Variants in HPSE2 observed in about 807,000 individuals in gnomAD.
The protein encoded by HPSE2 is inactive heparanase-2.
Under a neutral mutation model 60.5 loss-of-function variants are expected in HPSE2, and 38 were observed. The observed-to-expected ratio is 0.63, with a 90% CI of 0.48 to 0.82. HPSE2 has a LOEUF of 0.82. HPSE2 is among the 40% of genes least tolerant of loss of function. HPSE2 has a pLI of 0.00. For missense variants in HPSE2, 713 were observed against 740.4 expected (o/e 0.96, Z 0.43); for synonymous variants, 295 against 293.2 (o/e 1.01, Z -0.06).
At chr10:98,915,831 A>G (rs1954106036) in intron 3 of HPSE2, among the ~76,000 whole-genome samples, 1 of 152,224 alleles carries the variant, frequency 6.6e-6, no homozygotes, top group African/African-American at 2.4e-5. Context: ...AATGCATATA[A>G]AACTCCAAAT....
intron 3 of HPSE2, among the ~76,000 whole-genome samples, chr10:98,914,371 G>C (rs562320909): frequency 4.6e-5 from 7 of 151,928 alleles, no homozygotes; most frequent in Non-Finnish European, 1.0e-4. Flanking sequence ...AGTCAGCCTC[G>C]GGTATGTCTT....
chr10:98,638,014 C>T (rs186429143), intron 7 of HPSE2, among the ~76,000 whole-genome samples: 127 of 151,868 alleles, frequency 8.4e-4, no homozygotes, highest in Admixed American at 7.7e-3. Flanking sequence ...GTGGCATGAG[C>T]CTGTAGTCCC....
At chr10:98,648,174 G>A (rs1045576412) in intron 6 of HPSE2, among the ~76,000 whole-genome samples, 12 of 152,096 alleles carry the variant, frequency 7.9e-5, no homozygotes, top group African/African-American at 2.9e-4. Context: ...TGGGTCCTGC[G>A]CCTCAAGCCC....
chr10:99,103,219 T>G (rs1844087750), intron 3 of HPSE2, among the ~76,000 whole-genome samples: 1 of 152,202 alleles, frequency 6.6e-6, no homozygotes, highest in Non-Finnish European at 1.5e-5. Flanking sequence ...GACATGATTG[T>G]ATATCTAGAA....
At chr10:99,216,188 CT>C (rs550046406) in intron 2 of HPSE2, among the ~76,000 whole-genome samples, 43 of 97,652 alleles carry the variant, frequency 4.4e-4, no homozygotes, top group Non-Finnish European at 4.8e-4. Flanking sequence ...ATAACCTAAA[CT>C]TTTTTTTTTT....
chr10:98,757,002 T>A (rs1949893438), intron 3 of HPSE2, among the ~76,000 whole-genome samples: 1 of 152,124 alleles, frequency 6.6e-6, no homozygotes, highest in Non-Finnish European at 1.5e-5. Context: ...TAGGCTTTAT[T>A]CCTGGGATGC....
At chr10:98,989,729 A>G (rs1374891126) in intron 3 of HPSE2, among the ~76,000 whole-genome samples, 1 of 152,190 alleles carries the variant, frequency 6.6e-6, no homozygotes, top group East Asian at 1.9e-4. Flanking sequence ...GCAGTTTTGA[A>G]TATTTCATGG....
At chr10:99,164,565 G>C (rs1323524522) in intron 2 of HPSE2, among the ~76,000 whole-genome samples, 3 of 151,920 alleles carry the variant, frequency 2.0e-5, no homozygotes, top group Admixed American at 6.6e-5. Context: ...CACCACATGT[G>C]TTCATTGCTA....
chr10:98,735,790 G>A (rs1281407810), intron 4 of HPSE2, among the ~76,000 whole-genome samples: 1 of 152,168 alleles, frequency 6.6e-6, no homozygotes, highest in African/African-American at 2.4e-5. Flanking sequence ...ATTTGGAACA[G>A]CTGTATTTAT....
intron 3 of HPSE2, among the ~76,000 whole-genome samples, chr10:98,972,603 T>TCTG (rs1955984112): frequency 6.6e-6 from 1 of 152,182 alleles, no homozygotes; most frequent in Non-Finnish European, 1.5e-5. Flanking sequence ...AGATCTCCAT[T>TCTG]CTGCTCCCTC....
At chr10:98,960,745 T>A (rs1396455599) in intron 3 of HPSE2, among the ~76,000 whole-genome samples, 53 of 136,248 alleles carry the variant, frequency 3.9e-4, no homozygotes, top group Middle Eastern at 3.7e-3. Context: ...ATTTTATTTT[T>A]TTTTTTATTA....
intron 7 of HPSE2, among the ~76,000 whole-genome samples, chr10:98,634,094 T>C (rs1240642147): frequency 6.6e-6 from 1 of 152,208 alleles, no homozygotes; most frequent in African/African-American, 2.4e-5. Context: ...CTAAACTGAT[T>C]TCCATCTATT....
chr10:98,611,009 G>A (rs1945740425), intron 9 of HPSE2, among the ~76,000 whole-genome samples: 1 of 152,140 alleles, frequency 6.6e-6, no homozygotes, highest in African/African-American at 2.4e-5. Flanking sequence ...GATCTCTTCT[G>A]CACAAACATC....
At chr10:98,748,053 C>T (rs960024631) in intron 3 of HPSE2, among the ~76,000 whole-genome samples, 22 of 152,138 alleles carry the variant, frequency 1.4e-4, no homozygotes, top group Admixed American at 1.4e-3. Context: ...AATCCCAGCA[C>T]TTTGGGAGGC....
chr10:98,887,596 C>A (rs1450106882), intron 3 of HPSE2, among the ~76,000 whole-genome samples: 1 of 151,946 alleles, frequency 6.6e-6, no homozygotes, highest in Non-Finnish European at 1.5e-5. Flanking sequence ...CCAAGAAATA[C>A]TCTCAGGGAT....
At chr10:99,215,464 G>T (rs1203336525) in intron 2 of HPSE2, among the ~76,000 whole-genome samples, 1 of 152,152 alleles carries the variant, frequency 6.6e-6, no homozygotes, top group Non-Finnish European at 1.5e-5. Context: ...CCTGTCGGCG[G>T]GGTAGGGGGG....
At chr10:98,740,379 C>T (rs1232170031) in intron 4 of HPSE2, among the ~76,000 whole-genome samples, 1 of 152,016 alleles carries the variant, frequency 6.6e-6, no homozygotes, top group East Asian at 1.9e-4. Flanking sequence ...TCTTGCTATG[C>T]TGTGGCTGGT....
intron 5 of HPSE2, 31 bp from the exon 6 acceptor site, chr10:98,693,978 C>A: frequency 4.1e-6 from 6 of 1,469,988 alleles, no homozygotes; most frequent in African/African-American, 1.5e-5. Flanking sequence ...AAAGATATTA[C>A]AACTTAGATT....
intron 3 of HPSE2, among the ~76,000 whole-genome samples, chr10:99,096,104 T>C (rs549934103): frequency 3.2e-4 from 48 of 152,196 alleles, no homozygotes; most frequent in Non-Finnish European, 6.0e-4. Flanking sequence ...AAAGTTCATA[T>C]ATTCCTTTTC....
Sources: allele counts gnomAD v4.1 joint callset (sites outside exome capture counted in the v4.1 genomes callset), GRCh38; gene constraint gnomAD v4.1.1; transcripts MANE v1.5; gene names NCBI Gene and HGNC (gene_info 2026-07-23, HGNC 2026-07-21).